The following MYH13 variants were observed in gnomAD, a reference collection of about 807,000 sequenced individuals.
MYH13 encodes myosin-13.
Under a neutral mutation model 232.1 loss-of-function variants are expected in MYH13, and 177 were observed. The ratio of observed to expected loss-of-function variants is 0.76; its 90% CI spans 0.67 to 0.86. MYH13 has a LOEUF of 0.86. MYH13 is among the 40% of genes least tolerant of loss of function. MYH13 has a pLI of 0.00. For missense variants in MYH13, 2,246 were observed against 2,405.9 expected, an observed-to-expected ratio of 0.93 and a Z score of 1.39; for synonymous variants, 884 against 923.5, an observed-to-expected ratio of 0.96 and a Z score of 0.78.
At position 10,306,852 on chromosome 17, in the gene MYH13, G is replaced by T. The variant is rs540083305; in HGVS notation, c.5295+87C>A. ...CCACTAACCGATTGTTGTCATAAGA[G>T]ATGAAACATACTTGCCACACCCTGG... is the stretch of plus-strand genomic sequence containing the variant. On this transcript the variant is annotated intron_variant, in intron 36 of 40. Coordinates refer to ENST00000252172, the MANE Select transcript of MYH13 (RefSeq NM_003802.3). This position sits in a 1 kb window ranked among gnomAD's most constrained non-coding sequence, Gnocchi z 4.3. 6.3e-7 allele frequency: 1 copy of T among 1,595,098 alleles called. No homozygotes were observed. The highest frequency in any genetic ancestry group is 8.5e-7 in the Non-Finnish European group (1 of 1,175,030).
intron 2 of MYH13, among the ~76,000 whole-genome samples, chr17:10,367,144 C>T (rs1024593999): frequency 2.0e-5 from 3 of 152,184 alleles, no homozygotes; most frequent in Non-Finnish European, 4.4e-5. Context: ...AGGTGGATTT[C>T]GCTACAGCAG....
intron 21 of MYH13, among the ~76,000 whole-genome samples, chr17:10,329,625 C>T (rs1039262668): frequency 9.2e-5 from 14 of 152,168 alleles, no homozygotes; most frequent in Non-Finnish European, 1.8e-4. Context: ...CAATGACAGC[C>T]ACCTGCTTGT....
chr17:10,336,081 G>A (rs1364219757), intron 18 of MYH13, among the ~76,000 whole-genome samples: 1 of 152,118 alleles, frequency 6.6e-6, no homozygotes, highest in Admixed American at 6.5e-5. Flanking sequence ...CACTGGGGGA[G>A]ACTGAGGCCC....
chr17:10,311,811 A>T, intron 32 of MYH13, 100 bp downstream of exon 32: 1 of 1,348,786 alleles, frequency 7.4e-7, no homozygotes, highest in Non-Finnish European at 1.0e-6. Context: ...CGTGTGGGGC[A>T]GTGGGAAGGA....
Position 10,340,140 on chromosome 17 carries a change from T to A in MYH13, c.2056+10A>T, listed in dbSNP as rs373669717. 6.8e-6 allele frequency: 11 copies of A among 1,610,242 alleles called. No homozygotes were observed. The African/African-American group carries it at 1.5e-4, about 21-fold the overall frequency. On this transcript the variant is annotated intron_variant, in intron 18 of 40. Coordinates refer to ENST00000252172, the MANE Select transcript of MYH13 (RefSeq NM_003802.3). The stretch of plus-strand genomic sequence containing the variant: ...TGTTCAAATACTTGGCAAGATCTGC[T>A]GGTACTCACCAGGAGTCTTGGTCTC...
At chr17:10,372,886 G>A (rs1028921568) in intron 1 of MYH13, 93 bp downstream of exon 1, 1 of 152,090 alleles carries the variant, frequency 6.6e-6, no homozygotes, top group Non-Finnish European at 1.5e-5. Flanking sequence ...CTCCGTAAAG[G>A]CTACTTTATT....
Position 10,309,257 on chromosome 17 carries a change from G to T in MYH13, c.5146C>A (p.Arg1716Ser). 1 of 1,613,504 alleles carries T rather than the reference G, an allele frequency of 6.2e-7. No individual in the cohort carries two copies. The highest frequency in any genetic ancestry group is 1.3e-5 in the African/African-American group (1 of 75,068). Reference protein sequence around the residue: ...SEQELLDASDRVQLLHSQNTS... With the variant: ...SEQELLDASDSVQLLHSQNTS... ...ACCTGGGAGTGCAGGAGCTGCACGC[G>T]GTCGCTGGCGTCCAGCAGCTCCTGC... Residue 1716 changes from arginine to serine, a missense_variant, in exon 35 of 41, where the codon CGC becomes AGC. Coordinates refer to ENST00000252172, the MANE Select transcript of MYH13 (RefSeq NM_003802.3).
At position 10,311,128 on chromosome 17, in the gene MYH13, A is replaced by C. The variant is rs746095996; in HGVS notation, c.4631T>G (p.Leu1544Arg). The C allele has an allele frequency of 6.2e-7, 1 of 1,614,032 alleles. No homozygotes were observed. The highest frequency in any genetic ancestry group is 8.5e-7 in the Non-Finnish European group (1 of 1,179,888). The change falls in exon 33 of 41, where the codon CTG becomes CGG. Residue 1544 changes from leucine (L) to arginine (R), a missense_variant. Leu to Arg is a moderately radical substitution (Grantham distance 102, BLOSUM62 -2). Transcript: ENST00000252172. ...CTCCACTTCTTCTAAGGCGACCTGCAGATCTGACTTTTCCTGCTCCACTAG... is the reference window on the plus strand; with the variant it reads ...CTCCACTTCTTCTAAGGCGACCTGCCGATCTGACTTTTCCTGCTCCACTAG... ...KKLVEQEKSD[L>R]QVALEEVEGS...
intron 26 of MYH13, among the ~76,000 whole-genome samples, 199 bp from the exon 27 acceptor site, chr17:10,319,378 G>A (rs1249797632): frequency 2.0e-5 from 3 of 152,056 alleles, no homozygotes; most frequent in East Asian, 3.9e-4. Flanking sequence ...GTGTGGTGGC[G>A]GGCGCCTGTA....
Position 10,328,128 on chromosome 17 carries a change from A to G in MYH13, c.2436-7T>C. The G allele has an allele frequency of 4.3e-6, 7 of 1,610,460 alleles. No homozygotes were observed. Among genetic ancestry groups the G allele is most frequent in the Non-Finnish European group, 5.9e-6 (7 of 1,179,078 alleles). On this transcript the variant is annotated splice_polypyrimidine_tract_variant and splice_region_variant and intron_variant, in intron 21 of 40. Transcript: ENST00000252172. The stretch of plus-strand genomic sequence containing the variant: ...GATGCAGAAGATGGAGTCCCTGTAC[A>G]CCCATTAGGACTCAAATTAATAAAT...
At chr17:10,316,622 G>A (rs772259682) in intron 27 of MYH13, among the ~76,000 whole-genome samples, 3 of 152,116 alleles carry the variant, frequency 2.0e-5, no homozygotes, top group East Asian at 1.9e-4. Context: ...TAAGTGATTC[G>A]TGAATAATTG....
intron 33 of MYH13, among the ~76,000 whole-genome samples, 179 bp from the exon 34 acceptor site, chr17:10,310,009 C>T (rs924964025): frequency 4.7e-5 from 7 of 149,930 alleles, no homozygotes; most frequent in Admixed American, 3.3e-4. Context: ...AACTCCTGGG[C>T]TCCAGTGATC....
chr17:10,337,235 A>G (rs1227783615), intron 18 of MYH13, among the ~76,000 whole-genome samples: 6 of 152,114 alleles, frequency 3.9e-5, no homozygotes, highest in African/African-American at 7.2e-5. Context: ...AATGGTAACC[A>G]TCTTCTGGTC....
intron 2 of MYH13, 81 bp from the exon 3 acceptor site, chr17:10,364,623 A>AAT (rs1202728276): frequency 1.2e-5 from 15 of 1,208,776 alleles, no homozygotes; most frequent in Admixed American, 2.1e-5. Flanking sequence ...ATTCTATTAA[A>AAT]ACGGGGCCAG....
intron 22 of MYH13, among the ~76,000 whole-genome samples, chr17:10,326,730 G>T (rs1907209492): frequency 6.6e-6 from 1 of 151,036 alleles, no homozygotes; most frequent in South Asian, 2.1e-4. Context: ...GCCCGCCTCG[G>T]TCTCCCACAG....
At chr17:10,321,240 G>A (rs759156964) in intron 24 of MYH13, among the ~76,000 whole-genome samples, 2 of 152,204 alleles carry the variant, frequency 1.3e-5, no homozygotes, top group South Asian at 2.1e-4. Context: ...GATAGCAATA[G>A]TAGCAGCTAT....
chr17:10,311,498 T>G (rs547644071), intron 32 of MYH13, among the ~76,000 whole-genome samples: 1 of 152,060 alleles, frequency 6.6e-6, no homozygotes, highest in Non-Finnish European at 1.5e-5. Flanking sequence ...AAAACAACTG[T>G]GGGGAAAACG....
intron 2 of MYH13, among the ~76,000 whole-genome samples, chr17:10,364,843 G>A (rs1363516805): frequency 6.6e-6 from 1 of 151,844 alleles, no homozygotes; most frequent in Non-Finnish European, 1.5e-5. Flanking sequence ...GAGCCATGGT[G>A]AACTCAATAA....
In MYH13 at chr17:10,315,747, C is replaced by A. The variant is rs1906681991; in HGVS notation, c.3930G>T (p.Gln1310His). Residue 1310 changes from glutamine (Q) to histidine (H), a missense_variant, in exon 29 of 41, where the codon CAG (glutamine) becomes CAT (histidine). Gln to His is a conservative substitution (Grantham distance 24). Transcript: ENST00000252172. ...SLISQLTKSK[Q>H]ALTQQLEELK... Reference sequence around the variant, plus strand: ...GCTCCTCCAGCTGCTGGGTGAGGGCCTGCTTGCTTTTGGTCAGCTGTGAAA... The same window carrying A: ...GCTCCTCCAGCTGCTGGGTGAGGGCATGCTTGCTTTTGGTCAGCTGTGAAA... 1 of 1,613,870 alleles carries A rather than the reference C, an allele frequency of 6.2e-7. No individual in the cohort carries two copies. Among genetic ancestry groups the A allele is most frequent in the South Asian group, 1.1e-5 (1 of 91,088 alleles).
Sources: gnomAD v4.1 joint callset for allele counts (sites outside exome capture counted in the v4.1 genomes callset) on GRCh38, gnomAD v4.1.1 for gene constraint, Gnocchi (gnomAD v3.1) non-coding constraint, MANE v1.5 for transcripts, NCBI Gene and HGNC (gene_info 2026-07-23, HGNC 2026-07-21) for gene names.